Variants in MMEL1 observed in about 807,000 individuals in gnomAD.
MMEL1 encodes membrane metallo-endopeptidase-like 1.
Under a neutral mutation model 117.1 loss-of-function variants are expected in MMEL1, and 98 were observed. The ratio of observed to expected loss-of-function variants is 0.84; its 90% CI spans 0.71 to 0.99. The LOEUF (loss-of-function observed/expected upper bound fraction) is 0.99. Among genes scored for constraint, MMEL1 ranks in the 50% least tolerant of loss-of-function variants. The pLI, the probability that MMEL1 is intolerant of heterozygous loss-of-function variation, is 0.00. For missense variants in MMEL1, 1,014 were observed against 1,049.1 expected (o/e 0.97, Z 0.46); for synonymous variants, 390 against 415.1 (o/e 0.94, Z 0.74).
chr1:2,618,458 CA>C (rs1645237918), intron 2 of MMEL1, among the ~76,000 whole-genome samples: 1 of 152,198 alleles, frequency 6.6e-6, no homozygotes, highest in African/African-American at 2.4e-5. Flanking sequence ...TGGACTAAAA[CA>C]ATCTTGATGT....
intron 2 of MMEL1, among the ~76,000 whole-genome samples, chr1:2,621,744 G>A (rs989250146): frequency 1.3e-5 from 2 of 152,128 alleles, no homozygotes; most frequent in African/African-American, 4.8e-5. Context: ...TGTATTTTAA[G>A]TAGAGATGGG....
chr1:2,610,407 A>G (rs1645106868), intron 4 of MMEL1, among the ~76,000 whole-genome samples: 2 of 152,040 alleles, frequency 1.3e-5, no homozygotes, highest in South Asian at 4.2e-4. Context: ...GAATCCGGGA[A>G]CACCAGCGGT....
At chr1:2,610,391 G>T (rs1243977878) in intron 4 of MMEL1, among the ~76,000 whole-genome samples, 1 of 152,108 alleles carries the variant, frequency 6.6e-6, no homozygotes, top group Non-Finnish European at 1.5e-5. Flanking sequence ...TCATTTCCTT[G>T]TCTGTGAATC....
At chr1:2,596,938 G>C (rs1464182191) in intron 13 of MMEL1, among the ~76,000 whole-genome samples, 4 of 152,060 alleles carry the variant, frequency 2.6e-5, no homozygotes, top group African/African-American at 7.2e-5. Flanking sequence ...TGAGGAGTTG[G>C]GGGGGTTCCT....
intron 13 of MMEL1, 115 bp downstream of exon 13, chr1:2,598,092 T>G (rs1644874336): frequency 3.0e-6 from 3 of 1,006,190 alleles, no homozygotes; most frequent in Non-Finnish European, 4.6e-6. Context: ...TCGCCCTGCC[T>G]CGTCCATGGC....
At chr1:2,609,489 C>A in intron 5 of MMEL1, 70 bp from the exon 6 acceptor site, 1 of 1,541,268 alleles carries the variant, frequency 6.5e-7, no homozygotes, top group Non-Finnish European at 8.9e-7. Context: ...GGTCCCTACA[C>A]CCCCTGAAGT....
At chr1:2,608,991 A>G (rs1350914053) in intron 6 of MMEL1, among the ~76,000 whole-genome samples, 1 of 152,076 alleles carries the variant, frequency 6.6e-6, no homozygotes, top group African/African-American at 2.4e-5. Context: ...ATATAAATGT[A>G]TAATATGCAT....
intron 2 of MMEL1, among the ~76,000 whole-genome samples, chr1:2,613,866 A>G (rs924877627): frequency 2.0e-5 from 3 of 152,102 alleles, no homozygotes; most frequent in Admixed American, 6.5e-5. Flanking sequence ...AAAAACAAAA[A>G]CAAAAAACAA....
rs1645096875 is a variant in MMEL1 at position 2,609,744 on chromosome 1, T to C, written c.380A>G (p.His127Arg). 3.7e-6 allele frequency: 6 copies of C among 1,613,672 alleles called. No homozygotes were observed. Among genetic ancestry groups the C allele is most frequent in the African/African-American group, 2.7e-5 (2 of 74,928 alleles). Residue 127 changes from histidine (H) to arginine (R), a missense_variant, in exon 5 of 24, where the codon CAC becomes CGC. Transcript: ENST00000378412. Reference sequence around the variant, plus strand: ...TCTTGAGTTGGTCTCAGGGATCACGTGGCGCCGCAGCCAGCCTCCGCATGC... The same window carrying C: ...TCTTGAGTTGGTCTCAGGGATCACGCGGCGCCGCAGCCAGCCTCCGCATGC... ...QFACGGWLRRHVIPETNSRYS... is the reference protein window; with the variant it reads ...QFACGGWLRRRVIPETNSRYS...
At chr1:2,596,201 C>G (rs535592598) in intron 14 of MMEL1, 94 bp from the exon 15 acceptor site, 1 of 1,196,568 alleles carries the variant, frequency 8.4e-7, no homozygotes, top group Admixed American at 1.8e-5. Flanking sequence ...TGAGCCCCGC[C>G]GGGGCAAGGC....
rs1367429282 is a variant in MMEL1, at chr1:2,629,330, C to T, written c.154+1G>A. The T allele has an allele frequency of 5.2e-6, 8 of 1,535,968 alleles. No individual in the cohort carries two copies. Among genetic ancestry groups the T allele is most frequent in the Non-Finnish European group, 7.0e-6 (8 of 1,143,762 alleles). On this transcript the variant is annotated splice_donor_variant, in intron 2 of 23. Transcript: ENST00000378412. LOFTEE classifies it high-confidence loss of function. ...GGCGGGGGCGGGGCACCCGCACTCACCTCTGCGGTCGGCGTAGAGGACACC... is the reference window on the plus strand; with the variant it reads ...GGCGGGGGCGGGGCACCCGCACTCATCTCTGCGGTCGGCGTAGAGGACACC...
rs1485381209 is a variant in MMEL1, at chr1:2,602,962, CTTTG to C, written c.1041+918_1041+921del. Among the ~76,000 whole-genome samples, 5 of 152,280 alleles carry C rather than the reference CTTTG, an allele frequency of 3.3e-5. No individual in the cohort carries two copies. In the East Asian group the frequency reaches 7.7e-4, roughly 24 times the overall value. ...CACCGGAACCTCGATCGAGATAGGC[CTTTG>C]TTTGGGAAGGGGATAAAGCCCAGTG... On this transcript the variant is annotated intron_variant, in intron 11 of 23. Transcript: ENST00000378412.
chr1:2,630,692 C>G (rs1156746359), intron 1 of MMEL1, among the ~76,000 whole-genome samples: 1 of 142,454 alleles, frequency 7.0e-6, no homozygotes, highest in East Asian at 2.1e-4. Flanking sequence ...TGTGCGTGTA[C>G]ACTCGTGTGT....
intron 6 of MMEL1, among the ~76,000 whole-genome samples, chr1:2,609,075 AC>A (rs1645083055): frequency 7.8e-6 from 1 of 128,848 alleles, no homozygotes; most frequent in African/African-American, 3.2e-5. Context: ...ACACACACAC[AC>A]ACACAGTCTT....
Position 2,595,393 on chromosome 1 carries a change from C to T in MMEL1, c.1501-34G>A. ...GGAGGAGGGACTGGTCAGTGGGTGC[C>T]CCACTGCGGATGGAGTCAGCCCGGG... On this transcript the variant is annotated intron_variant, in intron 15 of 23. Transcript: ENST00000378412. This position sits in a 1 kb window ranked among gnomAD's most constrained non-coding sequence, Gnocchi z 4.8. 6.3e-7 allele frequency: 1 copy of T among 1,599,758 alleles called. No homozygotes were observed. The highest frequency in any genetic ancestry group is 1.7e-5 in the Admixed American group (1 of 59,950).
At chr1:2,606,199 G>T (rs1223436641) in intron 8 of MMEL1, 49 bp downstream of exon 8, 1 of 1,473,252 alleles carries the variant, frequency 6.8e-7, no homozygotes, top group African/African-American at 1.4e-5. Context: ...AGAGCCCCCA[G>T]CCAGGCTTGG....
At chr1:2,616,989 C>G (rs988335251) in intron 2 of MMEL1, among the ~76,000 whole-genome samples, 8 of 152,216 alleles carry the variant, frequency 5.3e-5, no homozygotes, top group African/African-American at 1.9e-4. Context: ...ATTAGATGAG[C>G]TAGGCATGTT....
intron 1 of MMEL1, 112 bp downstream of exon 1, chr1:2,632,754 C>T (rs1244424469): frequency 3.0e-6 from 2 of 660,290 alleles, no homozygotes; most frequent in African/African-American, 2.0e-5. Context: ...TGCCCAGCCT[C>T]CTGAGAAAGG....
At chr1:2,608,619 CACAT>C (rs1387650683) in intron 6 of MMEL1, among the ~76,000 whole-genome samples, 3 of 152,000 alleles carry the variant, frequency 2.0e-5, no homozygotes, top group Admixed American at 6.6e-5. Context: ...ACATAACACA[CACAT>C]ACATGCACAC....
Sources: allele counts gnomAD v4.1 joint callset (sites outside exome capture counted in the v4.1 genomes callset), GRCh38; gene constraint gnomAD v4.1.1; non-coding constraint Gnocchi (gnomAD v3.1); transcripts MANE v1.5; gene names NCBI Gene and HGNC (gene_info 2026-07-23, HGNC 2026-07-21).